PIK3R1: variants seen among roughly 807,000 people sequenced by gnomAD.
PIK3R1 encodes phosphatidylinositol 3-kinase regulatory subunit alpha.
A neutral mutation model predicts 98.0 loss-of-function variants in PIK3R1; 29 were observed. The ratio of observed to expected loss-of-function variants is 0.30; its 90% confidence interval spans 0.22 to 0.40. PIK3R1 has a LOEUF of 0.40. PIK3R1 is among the 10% of genes least tolerant of loss of function. PIK3R1 has a pLI of 1.00. For synonymous variants in PIK3R1, 282 were observed against 311.8 expected (o/e 0.90, Z 1.01); for missense variants, 596 against 872.7 (o/e 0.68, Z 3.99).
Position 68,275,784 on chromosome 5 carries a change from A to T in PIK3R1, c.502+1771A>T, listed in dbSNP as rs528400524. On this transcript the variant is annotated intron_variant, in intron 4 of 15. Transcript: ENST00000521381. ...CAAAGATTTTTCAATACATAAAAAC[A>T]TTGTATAATATCCTGGAGGAAGCTC... Among the ~76,000 whole-genome samples, 3 of 152,322 alleles carry T rather than the reference A, an allele frequency of 2.0e-5. No individual in the cohort carries two copies. The South Asian group carries it at 6.2e-4, about 32-fold the overall frequency.
chr5:68,273,911 A>C, intron 3 of PIK3R1, 28 bp from the exon 4 acceptor site: 2 of 1,581,524 alleles, frequency 1.3e-6, no homozygotes, highest in Non-Finnish European at 1.7e-6. Flanking sequence ...TTTTGCATAC[A>C]TGGTCTGTGG....
At chr5:68,216,675 G>A (rs1047448396) in intron 1 of PIK3R1, among the ~76,000 whole-genome samples, 2 of 152,208 alleles carry the variant, frequency 1.3e-5, no homozygotes, top group Non-Finnish European at 2.9e-5. Context: ...GGGCGAGGCG[G>A]GAGGGACCTG....
At chr5:68,218,839 A>G (rs1743993999) in intron 1 of PIK3R1, among the ~76,000 whole-genome samples, 1 of 152,246 alleles carries the variant, frequency 6.6e-6, no homozygotes, top group South Asian at 2.1e-4. Flanking sequence ...GGAAGGAATT[A>G]TCAAGTTAGT....
At chr5:68,258,005 G>A (rs1745592458) in intron 2 of PIK3R1, among the ~76,000 whole-genome samples, 1 of 152,116 alleles carries the variant, frequency 6.6e-6, no homozygotes, top group African/African-American at 2.4e-5. Context: ...TTTTCCCTTG[G>A]GGATCCAAAC....
rs7702655 is a variant in PIK3R1 at position 68,300,177 on chromosome 5, C to T, written c.*2576C>T. ...AGGCATTTGCCTTATTTTTGCATCT[C>T]ACAAACATAAGTGCAATAGATCTTT... is the stretch of plus-strand genomic sequence containing the variant. On this transcript the variant is annotated 3_prime_UTR_variant, in exon 16 of 16. Coordinates refer to ENST00000521381, the MANE Select transcript of PIK3R1 (RefSeq NM_181523.3). 1,930 of 233,222 alleles carry T rather than the reference C, an allele frequency of 8.3e-3. 35 individuals are homozygous for T. The highest frequency in any genetic ancestry group is 0.04 in the African/African-American group (1,830 of 45,466). The allele number at this position is 233,222 out of a possible 1,614,324, so 14.4% of individuals were successfully genotyped here.
At chr5:68,263,166 C>CATAT (rs1338267325) in intron 2 of PIK3R1, among the ~76,000 whole-genome samples, 2 of 144,496 alleles carry the variant, frequency 1.4e-5, no homozygotes, top group African/African-American at 5.1e-5. Context: ...CATATATCTA[C>CATAT]ATATATATCT....
At chr5:68,295,551 T>G (rs894541769) in intron 14 of PIK3R1, 63 bp downstream of exon 14, 1 of 1,375,612 alleles carries the variant, frequency 7.3e-7, no homozygotes, top group African/African-American at 1.4e-5. Context: ...AATGCATGAC[T>G]TGCTTTGTTT....
intron 12 of PIK3R1, among the ~76,000 whole-genome samples, 199 bp downstream of exon 12, chr5:68,294,877 G>A (rs1370191426): frequency 6.6e-6 from 1 of 151,966 alleles, no homozygotes; most frequent in Non-Finnish European, 1.5e-5. Flanking sequence ...GAGTTAGTGG[G>A]TGCGGCGCAC....
rs1344876957 is a variant in PIK3R1, at chr5:68,262,846, GATACATGTAGATACATGT to G, written c.335-10524_335-10507del. 2.9e-4 allele frequency among the ~76,000 whole-genome samples: 10 copies of G among 34,642 alleles called. 1 individual carries two copies. Among genetic ancestry groups the G allele is most frequent in the Admixed American group, 1.3e-3 (6 of 4,682 alleles). 22.7% of individuals were successfully genotyped at this position (34,642 alleles called of 152,430 possible). On this transcript the variant is annotated intron_variant, in intron 2 of 15. Transcript: ENST00000521381. ...ACATGTAGATACATGTATACATGTA[GATACATGTAGATACATGT>G]ATACATGTAGATACATGTAGATACA... is the stretch of plus-strand genomic sequence containing the variant.
At chr5:68,295,643 T>C in intron 14 of PIK3R1, 155 bp downstream of exon 14, 1 of 666,768 alleles carries the variant, frequency 1.5e-6, no homozygotes, top group Non-Finnish European at 2.6e-6. Flanking sequence ...ATCCAGAATT[T>C]TAAAAAAAGA....
At chr5:68,267,781 G>A (rs1218406136) in intron 2 of PIK3R1, among the ~76,000 whole-genome samples, 2 of 152,018 alleles carry the variant, frequency 1.3e-5, no homozygotes, top group African/African-American at 2.4e-5. Flanking sequence ...TGGTCCTTTT[G>A]GGGAAAGTAT....
intron 2 of PIK3R1, among the ~76,000 whole-genome samples, chr5:68,235,769 G>A (rs990345251): frequency 6.6e-6 from 1 of 151,994 alleles, no homozygotes; most frequent in African/African-American, 2.4e-5. Context: ...TATAGTTTTT[G>A]TCTTACACTT....
chr5:68,295,796 A>G lies in PIK3R1; in HGVS notation c.1814+308A>G. 4 of 482,020 alleles carry G rather than the reference A, an allele frequency of 8.3e-6. No homozygotes were observed. In the South Asian group the frequency reaches 1.0e-4, roughly 12 times the overall value. 29.9% of individuals were successfully genotyped at this position (482,020 alleles called of 1,614,324 possible). ...CAGAGAAAAAATAATTATGCTTAAT[A>G]TATTTTAAAGCTTAAGTATATACTT... On this transcript the variant is annotated intron_variant, in intron 14 of 15. Coordinates refer to ENST00000521381, the MANE Select transcript of PIK3R1 (RefSeq NM_181523.3).
chr5:68,279,596 T>A lies in PIK3R1; in HGVS notation c.503-6T>A. 1 of 1,611,426 alleles carries A rather than the reference T, an allele frequency of 6.2e-7. No homozygotes were observed. Among genetic ancestry groups the A allele is most frequent in the South Asian group, 1.1e-5 (1 of 90,492 alleles). ...TGTCTGAAATATTTCTTAAATTGTT[T>A]CCTAGATACACCCTCCGTGGACTTG... On this transcript the variant is annotated splice_polypyrimidine_tract_variant and splice_region_variant and intron_variant, in intron 4 of 15. Coordinates refer to ENST00000521381, the MANE Select transcript of PIK3R1 (RefSeq NM_181523.3).
intron 4 of PIK3R1, among the ~76,000 whole-genome samples, chr5:68,274,227 C>T (rs1746480308): frequency 6.6e-6 from 1 of 152,170 alleles, no homozygotes; most frequent in African/African-American, 2.4e-5. Context: ...GTGCACGCCT[C>T]CCTGCAGGCA....
At chr5:68,227,132 G>T in intron 2 of PIK3R1, 123 bp downstream of exon 2, 1 of 768,802 alleles carries the variant, frequency 1.3e-6, no homozygotes, top group Admixed American at 2.9e-5. Flanking sequence ...CACCTGAATT[G>T]ATGTGTGGTG....
rs770742875 is a variant in PIK3R1 at position 68,226,746 on chromosome 5, T to G, written c.71T>G (p.Leu24Trp). ...YKKEREEDID[L>W]HLGDILTVNK... Reference sequence around the variant, plus strand: ...AAGGAAAGAGAAGAAGATATTGACTTGCACTTGGGTGACATATTGACTGTG... The same window carrying G: ...AAGGAAAGAGAAGAAGATATTGACTGGCACTTGGGTGACATATTGACTGTG... The change falls in exon 2 of 16, where the codon TTG becomes TGG. Residue 24 changes from leucine to tryptophan, a missense_variant. Leu to Trp is a moderately conservative substitution (Grantham distance 61, BLOSUM62 -2). Transcript: ENST00000521381. 6.2e-7 allele frequency: 1 copy of G among 1,614,160 alleles called. No individual in the cohort carries two copies. Among genetic ancestry groups the G allele is most frequent in the South Asian group, 1.1e-5 (1 of 91,084 alleles).
In PIK3R1 at chr5:68,299,972, GTTAA is replaced by G. The variant is rs1403494177; in HGVS notation, c.*2375_*2378del. 1 of 233,100 alleles carries G rather than the reference GTTAA, an allele frequency of 4.3e-6. No homozygotes were observed. Among genetic ancestry groups the G allele is most frequent in the Non-Finnish European group, 8.5e-6 (1 of 118,032 alleles). 14.4% of individuals were successfully genotyped at this position (233,100 alleles called of 1,614,324 possible). ...TTCTAGATCATACACAAGTCTAACA[GTTAA>G]TTAGTTAACAGTTTTTAAACTAGGT... On this transcript the variant is annotated 3_prime_UTR_variant, in exon 16 of 16. Transcript: ENST00000521381.
intron 2 of PIK3R1, chr5:68,239,907 G>A: frequency 2.0e-6 from 1 of 502,064 alleles, no homozygotes; most frequent in Non-Finnish European, 3.9e-6. Flanking sequence ...TACAGCAAAA[G>A]AACCTCATCA....
Sources: allele counts gnomAD v4.1 joint callset (sites outside exome capture counted in the v4.1 genomes callset), GRCh38; gene constraint gnomAD v4.1.1; transcripts MANE v1.5; gene names NCBI Gene and HGNC (gene_info 2026-07-23, HGNC 2026-07-21).